ABRAXAS2: variants seen among roughly 807,000 people sequenced by gnomAD.
The protein encoded by ABRAXAS2 is abraxas 2, BRISC complex subunit, also known as BRISC complex subunit Abraxas 2.
A neutral mutation model predicts 49.0 loss-of-function variants in ABRAXAS2; 23 were observed. The observed-to-expected ratio is 0.47, with a 90% CI of 0.34 to 0.66. The LOEUF is 0.66. Among genes scored for constraint, ABRAXAS2 ranks in the 30% least tolerant of loss-of-function variants. The pLI is 0.01. For synonymous variants in ABRAXAS2, 168 were observed against 180.2 expected (o/e 0.93, Z 0.54); for missense variants, 443 against 511.9 (o/e 0.87, Z 1.30).
chr10:124,825,726 G>C (rs528504250), intron 4 of ABRAXAS2, among the ~76,000 whole-genome samples: 1 of 152,224 alleles, frequency 6.6e-6, no homozygotes, highest in Non-Finnish European at 1.5e-5. Flanking sequence ...GAAGGAAGCT[G>C]TATGAAGATT....
At chr10:124,820,063 A>T (rs1031271498) in intron 4 of ABRAXAS2, among the ~76,000 whole-genome samples, 2 of 152,238 alleles carry the variant, frequency 1.3e-5, no homozygotes, top group South Asian at 2.1e-4. Context: ...TGAGGAAGAA[A>T]GTACCAATAA....
intron 1 of ABRAXAS2, among the ~76,000 whole-genome samples, chr10:124,806,233 A>G (rs1198029889): frequency 6.6e-6 from 1 of 151,820 alleles, no homozygotes; most frequent in Non-Finnish European, 1.5e-5. Flanking sequence ...ATGAACCCGG[A>G]AGGTGGAGCT....
At chr10:124,809,274 G>T (rs1950768946) in intron 2 of ABRAXAS2, among the ~76,000 whole-genome samples, 1 of 152,020 alleles carries the variant, frequency 6.6e-6, no homozygotes, top group South Asian at 2.1e-4. Context: ...AGGGGACAAG[G>T]GTGTTTTATT....
chr10:124,836,528 T>C lies in ABRAXAS2; in HGVS notation c.*1557T>C, dbSNP rs559237952. On this transcript the variant is annotated 3_prime_UTR_variant, in exon 9 of 9. Transcript: ENST00000298492. Reference sequence around the variant, plus strand: ...CTTCAGCGCCAGTGTGAATTTATTTTTTTTTAAGTGCCATTACCGTCTCCT... The same window carrying C: ...CTTCAGCGCCAGTGTGAATTTATTTCTTTTTAAGTGCCATTACCGTCTCCT... The C allele has an allele frequency of 1.6e-4, 25 of 152,740 alleles. No homozygotes were observed. Among genetic ancestry groups the C allele is most frequent in the African/African-American group, 6.0e-4 (25 of 41,582 alleles). 9.5% of individuals were successfully genotyped at this position (152,740 alleles called of 1,614,324 possible).
chr10:124,829,242 T>C, intron 6 of ABRAXAS2, 151 bp from the exon 7 acceptor site: 1 of 607,884 alleles, frequency 1.6e-6, no homozygotes, highest in Non-Finnish European at 2.9e-6. Flanking sequence ...TTCTCTTCTG[T>C]AATTCTTGTG....
chr10:124,822,978 C>T (rs1166886047), intron 4 of ABRAXAS2, among the ~76,000 whole-genome samples: 1 of 152,088 alleles, frequency 6.6e-6, no homozygotes, highest in Non-Finnish European at 1.5e-5. Context: ...AAAAGTTGGT[C>T]TATAGTTTTG....
chr10:124,817,638 C>T (rs914261362), intron 3 of ABRAXAS2, among the ~76,000 whole-genome samples: 19 of 152,240 alleles, frequency 1.2e-4, no homozygotes, highest in African/African-American at 4.3e-4. Context: ...CTTGCCGCTT[C>T]CTGCTGTTCC....
At chr10:124,805,929 G>C (rs1157126963) in intron 1 of ABRAXAS2, among the ~76,000 whole-genome samples, 1 of 152,170 alleles carries the variant, frequency 6.6e-6, no homozygotes, top group Non-Finnish European at 1.5e-5. Context: ...AGTACACAAA[G>C]AGTAGGTAAT....
At chr10:124,812,200 G>A (rs1347922911) in intron 2 of ABRAXAS2, among the ~76,000 whole-genome samples, 1 of 152,164 alleles carries the variant, frequency 6.6e-6, no homozygotes, top group Non-Finnish European at 1.5e-5. Flanking sequence ...TCAGTGGGGA[G>A]TCCCTGTTAG....
intron 5 of ABRAXAS2, among the ~76,000 whole-genome samples, chr10:124,827,952 C>T (rs1950907182): frequency 6.6e-6 from 1 of 152,166 alleles, no homozygotes; most frequent in Admixed American, 6.5e-5. Flanking sequence ...ACAGGCTCAG[C>T]ATTGTGTCAG....
intron 2 of ABRAXAS2, among the ~76,000 whole-genome samples, chr10:124,815,793 T>G (rs1950820522): frequency 6.6e-6 from 1 of 151,770 alleles, no homozygotes; most frequent in African/African-American, 2.4e-5. Context: ...AGTTCCTTCC[T>G]CTTCAAAACA....
rs1564925948 is a variant in ABRAXAS2 at position 124,831,840 on chromosome 10, G to GTATTTTTTTTTTTTTT, written c.778+378_778+379insATTTTTTTTTTTTTTT. Among the ~76,000 whole-genome samples the GTATTTTTTTTTTTTTT allele has an allele frequency of 1.9e-5, 2 of 106,208 alleles. 1 individual carries two copies. The highest frequency in any genetic ancestry group is 3.6e-5 in the Non-Finnish European group (2 of 54,864). 69.7% of individuals were successfully genotyped at this position (106,208 alleles called of 152,430 possible). ...GTCCAGCAGGTAGGCACTGTGTCCT[G>GTATTTTTTTTTTTTTT]TCTTTTTTTTTTTTTTTTTTTTTTT... On this transcript the variant is annotated intron_variant, in intron 8 of 8. Transcript: ENST00000298492.
intron 1 of ABRAXAS2, among the ~76,000 whole-genome samples, chr10:124,802,969 C>G (rs1950716282): frequency 6.6e-6 from 1 of 152,128 alleles, no homozygotes; most frequent in African/African-American, 2.4e-5. Flanking sequence ...GATGGTAGAA[C>G]TTAATGATAG....
intron 1 of ABRAXAS2, among the ~76,000 whole-genome samples, chr10:124,804,415 A>G (rs915000468): frequency 2.0e-5 from 3 of 152,228 alleles, no homozygotes; most frequent in African/African-American, 7.2e-5. Context: ...CTTTTGCTAA[A>G]TCCAGCAACC....
In ABRAXAS2 at chr10:124,827,083, A is replaced by G. The variant is rs530236673; in HGVS notation, c.458+298A>G. 2.7e-5 allele frequency among the ~76,000 whole-genome samples: 4 copies of G among 149,598 alleles called. No homozygotes were observed. The South Asian group carries it at 8.5e-4, about 32-fold the overall frequency. ...ACTCCTGCCTGGCAACAGAGCAAGA[A>G]TCCATCTCAAAAAAAAAAAAAAAGG... On this transcript the variant is annotated intron_variant, in intron 5 of 8. Coordinates refer to ENST00000298492, the MANE Select transcript of ABRAXAS2 (RefSeq NM_032182.4).
intron 8 of ABRAXAS2, among the ~76,000 whole-genome samples, chr10:124,832,046 T>A (rs1270478469): frequency 1.3e-5 from 2 of 151,814 alleles, no homozygotes; most frequent in Non-Finnish European, 2.9e-5. Context: ...CTTGTTTTTT[T>A]AGTAGAGATG....
intron 2 of ABRAXAS2, among the ~76,000 whole-genome samples, chr10:124,809,062 C>T (rs943694432): frequency 6.6e-6 from 1 of 151,522 alleles, no homozygotes; most frequent in African/African-American, 2.4e-5. Context: ...ACCTGGGAGG[C>T]GGAGGTTGTG....
chr10:124,826,687 C>T lies in ABRAXAS2; in HGVS notation c.360C>T (p.Leu120=), dbSNP rs780970001. Residue 120 remains leucine (L), a synonymous_variant, in exon 5 of 9, where the codon CTC becomes CTT. Coordinates refer to ENST00000298492, the MANE Select transcript of ABRAXAS2 (RefSeq NM_032182.4). ...TTCACAAGCAGCTCACCCGCATCCT[C>T]GGCGTGCCCGACCTCGTCTTTCTTC... is the stretch of plus-strand genomic sequence containing the variant. ...QVLHKQLTRI[L]GVPDLVFLLF... is the part of the protein sequence containing the mutation. The T allele has an allele frequency of 1.1e-5, 17 of 1,614,088 alleles. No individual in the cohort carries two copies. The African/African-American group carries it at 1.6e-4, about 15-fold the overall frequency.
intron 3 of ABRAXAS2, among the ~76,000 whole-genome samples, chr10:124,816,905 C>T (rs910092744): frequency 6.6e-6 from 1 of 151,968 alleles, no homozygotes; most frequent in Non-Finnish European, 1.5e-5. Flanking sequence ...ATGTTCTTAA[C>T]GAGGAATAAA....
Sources: gnomAD v4.1 joint callset for allele counts (sites outside exome capture counted in the v4.1 genomes callset) on GRCh38, gnomAD v4.1.1 for gene constraint, MANE v1.5 for transcripts, NCBI Gene and HGNC (gene_info 2026-07-23, HGNC 2026-07-21) for gene names.